USP7: variants seen among roughly 807,000 people sequenced by gnomAD.
USP7 encodes the protein ubiquitin specific peptidase 7.
Under a neutral mutation model 162.9 loss-of-function variants are expected in USP7, and 9 were observed. The ratio of observed to expected loss-of-function variants is 0.06; its 90% CI spans 0.03 to 0.10. The LOEUF (loss-of-function observed/expected upper bound fraction) is 0.10, where lower values mean the gene tolerates loss of function less well. Among genes scored for constraint, USP7 ranks in the 10% least tolerant of loss-of-function variants. The probability of loss-of-function intolerance (pLI) is 1.00; values close to 1 mark genes in which losing one functional copy is unlikely to be tolerated. For synonymous variants in USP7, 562 were observed against 475.9 expected (o/e 1.18, Z -2.35); for missense variants, 715 against 1,373.7 (o/e 0.52, Z 7.58).
chr16:8,957,094 G>A (rs1899841595), intron 1 of USP7, among the ~76,000 whole-genome samples: 1 of 152,204 alleles, frequency 6.6e-6, no homozygotes, highest in African/African-American at 2.4e-5. Context: ...ACTAATTACT[G>A]TTTCCAACTT....
rs990561487 is a variant in USP7, at chr16:8,901,853, G to A, written c.2047+229C>T. 7.0e-5 allele frequency: 39 copies of A among 553,512 alleles called. No individual in the cohort carries two copies. The South Asian group carries it at 8.1e-4, about 12-fold the overall frequency. The allele number at this position is 553,512 out of a possible 1,614,324, so 34.3% of individuals were successfully genotyped here. A position where few individuals can be genotyped will look rare whatever the true frequency, so the allele number is the denominator to read the frequency against. On this transcript the variant is annotated intron_variant, in intron 18 of 30. Transcript: ENST00000344836. Reference sequence around the variant, plus strand: ...GCACAGCACAGCAGCTGAGACTGAAGACAGAACAGGACGGCCCCACGTGGC... The same window carrying A: ...GCACAGCACAGCAGCTGAGACTGAAAACAGAACAGGACGGCCCCACGTGGC...
Position 8,903,214 on chromosome 16 carries a change from G to A in USP7, c.1839+54C>T, listed in dbSNP as rs201871189. ...ATCAGTATTTTCTAGTGACACGGAA[G>A]GAAGGTGGACGTTGGGAGCCACGGT... On this transcript the variant is annotated intron_variant, in intron 16 of 30. Transcript: ENST00000344836. 9.7e-4 allele frequency: 1,535 copies of A among 1,582,522 alleles called. 3 individuals are homozygous for A. Among genetic ancestry groups the A allele is most frequent in the Non-Finnish European group, 1.3e-3 (1,480 of 1,161,342 alleles).
chr16:8,910,389 A>G (rs2061928010), intron 11 of USP7, among the ~76,000 whole-genome samples: 2 of 152,192 alleles, frequency 1.3e-5, no homozygotes, highest in Non-Finnish European at 2.9e-5. Context: ...ATAAAGAAAC[A>G]CAACCTAAAC....
chr16:8,919,259 CA>C lies in USP7; in HGVS notation c.612-121del. 22 of 901,880 alleles carry C rather than the reference CA, an allele frequency of 2.4e-5. No homozygotes were observed. The South Asian group carries it at 3.1e-4, about 13-fold the overall frequency. The allele number at this position is 901,880 out of a possible 1,614,324, so 55.9% of individuals were successfully genotyped here. A position where few individuals can be genotyped will look rare whatever the true frequency, so the allele number is the denominator to read the frequency against. ...AAACCGAGGCCAGGAACACTTATCA[CA>C]CAGCATCCTTCAATGGTCACCGATT... On this transcript the variant is annotated intron_variant, in intron 5 of 30. Coordinates refer to ENST00000344836, the MANE Select transcript of USP7 (RefSeq NM_003470.3).
At chr16:8,930,524 T>A (rs1898259085) in intron 1 of USP7, 127 bp from the exon 2 acceptor site, 4 of 634,856 alleles carry the variant, frequency 6.3e-6, no homozygotes, top group Non-Finnish European at 1.0e-5. Context: ...ACAATAAAGA[T>A]TCATTCTAAT....
rs1383043858 is a variant in USP7 at position 8,930,290 on chromosome 16, T to C, written c.184+3A>G. 3 of 1,608,596 alleles carry C rather than the reference T, an allele frequency of 1.9e-6. No homozygotes were observed. ...TGCGAGGCGGTGAACCACAGGCACT[T>C]ACCATCCTCCATGTCCTCCTCCGCG... On this transcript the variant is annotated splice_donor_region_variant and intron_variant, in intron 2 of 30. Transcript: ENST00000344836.
At chr16:8,947,126 C>A (rs1899319550) in intron 1 of USP7, among the ~76,000 whole-genome samples, 1 of 152,090 alleles carries the variant, frequency 6.6e-6, no homozygotes, top group African/African-American at 2.4e-5. Context: ...TTGGTTTTTT[C>A]ATATTTTAAT....
chr16:8,916,597 T>G lies in USP7; in HGVS notation c.852-41A>C, dbSNP rs1401411808. The G allele has an allele frequency of 1.9e-6, 3 of 1,558,716 alleles. No homozygotes were observed. The South Asian group carries it at 3.6e-5, about 19-fold the overall frequency. ...CAAACAACTCCATTTAAAGCTCAAC[T>G]TTCAAATGAGCAAATTAAAAGTAAC... On this transcript the variant is annotated intron_variant, in intron 7 of 30. Transcript: ENST00000344836.
At chr16:8,910,935 A>T (rs2061936948) in intron 10 of USP7, 108 bp from the exon 11 acceptor site, 2 of 891,474 alleles carry the variant, frequency 2.2e-6, no homozygotes, top group Admixed American at 2.0e-5. Context: ...CAGAGAAGGT[A>T]AACAACACTA....
chr16:8,896,026 G>A (rs958689156), intron 26 of USP7, among the ~76,000 whole-genome samples: 2 of 151,866 alleles, frequency 1.3e-5, no homozygotes, highest in African/African-American at 4.8e-5. Flanking sequence ...TAGTAGAGAC[G>A]GGGTTTCACC....
intron 1 of USP7, among the ~76,000 whole-genome samples, chr16:8,957,646 T>C (rs1372411352): frequency 6.6e-6 from 1 of 151,440 alleles, no homozygotes; most frequent in Non-Finnish European, 1.5e-5. Flanking sequence ...TGGTCCCAGC[T>C]ACTTGGAAGG....
chr16:8,920,491 C>T (rs758002791), intron 4 of USP7, 44 bp from the exon 5 acceptor site: 5 of 1,530,082 alleles, frequency 3.3e-6, no homozygotes, highest in Non-Finnish European at 4.5e-6. Context: ...TAAGAACACA[C>T]ATTTTATTCC....
intron 1 of USP7, among the ~76,000 whole-genome samples, chr16:8,931,170 T>G (rs1898309163): frequency 6.6e-6 from 1 of 152,028 alleles, no homozygotes. Flanking sequence ...TTTAAACGTT[T>G]TCATCATGAA....
chr16:8,911,095 G>A (rs1567217623), intron 10 of USP7, among the ~76,000 whole-genome samples: 1 of 152,212 alleles, frequency 6.6e-6, no homozygotes. Context: ...TTCGAACAAA[G>A]CACATACTGT....
At chr16:8,920,240 A>C in intron 5 of USP7, 119 bp downstream of exon 5, 2 of 834,388 alleles carry the variant, frequency 2.4e-6, no homozygotes, top group Non-Finnish European at 3.8e-6. Context: ...GCCACAGGGC[A>C]AGCGCAGAGA....
At chr16:8,928,150 C>T (rs1898116513) in intron 2 of USP7, among the ~76,000 whole-genome samples, 1 of 152,218 alleles carries the variant, frequency 6.6e-6, no homozygotes. Flanking sequence ...CTATACATGT[C>T]TCCCATCTCT....
chr16:8,937,340 T>G (rs1898802894), intron 1 of USP7, among the ~76,000 whole-genome samples: 1 of 151,282 alleles, frequency 6.6e-6, no homozygotes, highest in African/African-American at 2.4e-5. Flanking sequence ...AGGCCAGAAG[T>G]TTGAGACCAG....
chr16:8,939,888 A>G (rs1474910019), intron 1 of USP7, among the ~76,000 whole-genome samples: 1 of 152,234 alleles, frequency 6.6e-6, no homozygotes, highest in East Asian at 1.9e-4. Context: ...TCACGAGGTC[A>G]GGAGATTGAA....
At position 8,903,335 on chromosome 16, in the gene USP7, T is replaced by C. The variant is rs770264553; in HGVS notation, c.1772A>G (p.Tyr591Cys). The C allele has an allele frequency of 6.2e-7, 1 of 1,614,208 alleles. No homozygotes were observed. Among genetic ancestry groups the C allele is most frequent in the Non-Finnish European group, 8.5e-7 (1 of 1,180,032 alleles). ...GTTCTTCAATACTTTGAACACAGTG[T>C]ATTTCACTTTTTCTTCATCGTACAT... Reference protein sequence around the residue: ...NDMYDEEKVKYTVFKVLKNSS... With the variant: ...NDMYDEEKVKCTVFKVLKNSS... The change falls in exon 16 of 31, where the codon TAC (tyrosine) becomes TGC (cysteine). Residue 591 changes from tyrosine (Y) to cysteine (C), a missense_variant. By Grantham distance (194) the Tyr-to-Cys change is radical. Coordinates refer to ENST00000344836, the MANE Select transcript of USP7 (RefSeq NM_003470.3).
Sources: allele counts gnomAD v4.1 joint callset (sites outside exome capture counted in the v4.1 genomes callset), GRCh38; gene constraint gnomAD v4.1.1; transcripts MANE v1.5; gene names NCBI Gene and HGNC (gene_info 2026-07-23, HGNC 2026-07-21).